The following CHD5 variants were observed in gnomAD, a reference collection of about 807,000 sequenced individuals.
The protein encoded by CHD5 is chromodomain helicase DNA binding protein 5, also known as ATP-dependent chromatin remodeler CHD5.
In CHD5, 69 loss-of-function variants were observed where a neutral mutation model predicts 230.3. The ratio of observed to expected loss-of-function variants is 0.30; its 90% CI spans 0.25 to 0.37. The LOEUF (loss-of-function observed/expected upper bound fraction) is 0.37, where lower values mean the gene tolerates loss of function less well. Ranked by LOEUF, CHD5 falls within the 10% of genes least tolerant of loss-of-function variation. The probability of loss-of-function intolerance (pLI) is 1.00; values close to 1 mark genes in which losing one functional copy is unlikely to be tolerated. For synonymous variants in CHD5, 1,064 were observed against 1,065.9 expected, an observed-to-expected ratio of 1.00 and a Z score of 0.03; for missense variants, 1,827 against 2,622.8, an observed-to-expected ratio of 0.70 and a Z score of 6.63.
chr1:6,137,176 C>T (rs971760102), intron 15 of CHD5, among the ~76,000 whole-genome samples: 40 of 152,136 alleles, frequency 2.6e-4, no homozygotes, highest in Admixed American at 9.8e-4. Context: ...GCACGATCAC[C>T]ACTCACTTGC....
intron 8 of CHD5, 38 bp from the exon 9 acceptor site, chr1:6,149,113 G>A: frequency 2.0e-6 from 3 of 1,471,368 alleles, no homozygotes; most frequent in Non-Finnish European, 2.7e-6. Context: ...CCTGGGCGGG[G>A]TCCCCGCTCC....
intron 9 of CHD5, among the ~76,000 whole-genome samples, chr1:6,147,751 T>C (rs1007067281): frequency 2.0e-5 from 3 of 152,184 alleles, no homozygotes; most frequent in East Asian, 1.9e-4. Context: ...AGATCTGTGG[T>C]GCCACATCAC....
chr1:6,104,783 A>C lies in CHD5; in HGVS notation c.*691T>G, dbSNP rs1479462951. On this transcript the variant is annotated 3_prime_UTR_variant, in exon 42 of 42. Transcript: ENST00000262450. ...ATCCACCTCCCCACAAGGAGAGAGCAAACACCTGGCGGCCTCCAGCCTTGG... is the reference window on the plus strand; with the variant it reads ...ATCCACCTCCCCACAAGGAGAGAGCCAACACCTGGCGGCCTCCAGCCTTGG... The C allele has an allele frequency of 6.5e-6, 1 of 153,196 alleles. No individual in the cohort carries two copies. Among genetic ancestry groups the C allele is most frequent in the Admixed American group, 6.5e-5 (1 of 15,412 alleles). The allele number at this position is 153,196 out of a possible 1,614,324, so 9.5% of individuals were successfully genotyped here. A position where few individuals can be genotyped will look rare whatever the true frequency, so the allele number is the denominator to read the frequency against.
chr1:6,128,112 C>G lies in CHD5; in HGVS notation c.3837G>C (p.Gln1279His). The G allele has an allele frequency of 6.2e-7, 1 of 1,614,048 alleles. No individual in the cohort carries two copies. Among genetic ancestry groups the G allele is most frequent in the Non-Finnish European group, 8.5e-7 (1 of 1,179,990 alleles). ...AGGAGCTCAGGTACTCGTTCATGTT[C>G]TGTAGCTCCGTGTCATCTGTAGCGT... Reference protein sequence around the residue: ...NQDATDDTELQNMNEYLSSFK... With the variant: ...NQDATDDTELHNMNEYLSSFK... Residue 1279 changes from glutamine (Q) to histidine (H), a missense_variant, in exon 25 of 42, where the codon CAG (glutamine) becomes CAC (histidine). Gln to His is a conservative substitution (Grantham distance 24). Transcript: ENST00000262450. This position sits in a 1 kb window ranked among gnomAD's most constrained non-coding sequence, Gnocchi z 7.8.
Position 6,126,651 on chromosome 1 carries a change from C to T in CHD5, c.3999G>A (p.Glu1333=), listed in dbSNP as rs776352094. The change falls in exon 26 of 42, where the codon GAG becomes GAA. Residue 1333 remains glutamate, a synonymous_variant. Transcript: ENST00000262450. The surrounding 1 kb of genome is among the most constrained non-coding windows in gnomAD (Gnocchi z 5.7). ...LLRHHYEQQQ[E]DLARNLGKGK... is the part of the protein sequence containing the mutation. ...CCTTGCCCAGGTTGCGGGCCAGGTCCTCCTGCTGCTGCTCATAGTGGTGCC... is the reference window on the plus strand; with the variant it reads ...CCTTGCCCAGGTTGCGGGCCAGGTCTTCCTGCTGCTGCTCATAGTGGTGCC... The T allele has an allele frequency of 8.7e-6, 14 of 1,614,030 alleles. No individual in the cohort carries two copies. The highest frequency in any genetic ancestry group is 1.2e-5 in the Non-Finnish European group (14 of 1,180,018).
intron 33 of CHD5, among the ~76,000 whole-genome samples, chr1:6,118,766 C>T (rs574984924): frequency 6.2e-4 from 94 of 151,942 alleles, no homozygotes; most frequent in African/African-American, 2.1e-3. Context: ...GGTGCCATCT[C>T]GGCTCACTGC....
intron 1 of CHD5, among the ~76,000 whole-genome samples, chr1:6,177,504 G>C (rs556271245): frequency 1.3e-5 from 2 of 152,222 alleles, no homozygotes; most frequent in Non-Finnish European, 2.9e-5. Flanking sequence ...TGATGACAAC[G>C]TTTCGAGTAT....
At position 6,146,250 on chromosome 1, in the gene CHD5, C is replaced by T; in HGVS notation, c.1764G>A (p.Lys588=). Reference sequence around the variant, plus strand: ...TTCGGTGAATCATCATCCACTCTGGCTTGATGCCATAGCGGTAGAAGCGCT... The same window carrying T: ...TTCGGTGAATCATCATCCACTCTGGTTTGATGCCATAGCGGTAGAAGCGCT... ...MEERFYRYGI[K]PEWMMIHRIL... is the part of the protein sequence containing the mutation. The change falls in exon 11 of 42, where the codon AAG becomes AAA. Residue 588 remains lysine, a synonymous_variant. Coordinates refer to ENST00000262450, the MANE Select transcript of CHD5 (RefSeq NM_015557.3). The surrounding 1 kb of genome is among the most constrained non-coding windows in gnomAD (Gnocchi z 5.1). 1 of 1,614,224 alleles carries T rather than the reference C, an allele frequency of 6.2e-7. No individual in the cohort carries two copies. Among genetic ancestry groups the T allele is most frequent in the Non-Finnish European group, 8.5e-7 (1 of 1,180,038 alleles).
At position 6,144,205 on chromosome 1, in the gene CHD5, C is replaced by T. The variant is rs763824474; in HGVS notation, c.1803-50G>A. ...GTCGCTCAGAGCAGTGGCCACAGCA[C>T]AGGTTTGATGAAGGGCACCTCCCAG... is the stretch of plus-strand genomic sequence containing the variant. On this transcript the variant is annotated intron_variant, in intron 11 of 41. Transcript: ENST00000262450. The T allele has an allele frequency of 2.8e-5, 45 of 1,608,842 alleles. No individual in the cohort carries two copies. The Admixed American group carries it at 6.3e-4, about 23-fold the overall frequency.
At chr1:6,168,058 G>T in intron 2 of CHD5, 92 bp downstream of exon 2, 1 of 1,421,436 alleles carries the variant, frequency 7.0e-7, no homozygotes, top group Non-Finnish European at 9.4e-7. Flanking sequence ...CAAACTCCAA[G>T]GTCCAGGGAC....
Position 6,142,363 on chromosome 1 carries a change from C to A in CHD5, c.2236-35G>T, listed in dbSNP as rs41307755. Reference sequence around the variant, plus strand: ...GAGGCCGATGCCGTGAGACCACCTGCCCTTGGCCAGGACCAGCCACCCCTC... The same window carrying A: ...GAGGCCGATGCCGTGAGACCACCTGACCTTGGCCAGGACCAGCCACCCCTC... On this transcript the variant is annotated intron_variant, in intron 14 of 41. Transcript: ENST00000262450. This position sits in a 1 kb window ranked among gnomAD's most constrained non-coding sequence, Gnocchi z 5.2. 102,658 of 1,596,492 alleles carry A rather than the reference C, an allele frequency of 0.064. 3,598 individuals carry two copies. The highest frequency in any genetic ancestry group is 0.073 in the African/African-American group (5,441 of 74,686).
At position 6,116,140 on chromosome 1, in the gene CHD5, C is replaced by T. The variant is rs1309774696; in HGVS notation, c.4913-3142G>A. ...TTTATTGTGGATTGCCTGTGTTCCC[C>T]AGTGGAATACAAACTCCACGGAATG... On this transcript the variant is annotated intron_variant, in intron 33 of 41. Coordinates refer to ENST00000262450, the MANE Select transcript of CHD5 (RefSeq NM_015557.3). Among the ~76,000 whole-genome samples, 3 of 152,320 alleles carry T rather than the reference C, an allele frequency of 2.0e-5. No homozygotes were observed. In the East Asian group the frequency reaches 5.8e-4, roughly 29 times the overall value.
Position 6,124,697 on chromosome 1 carries a change from G to T in CHD5, c.4395-36C>A, listed in dbSNP as rs909159353. On this transcript the variant is annotated intron_variant, in intron 29 of 41. Transcript: ENST00000262450. ...GGGGGGGGACTGGGGCTCAGGGAGTGGGGGGCCGGCAAGAACCCTCTGAGA... is the reference window on the plus strand; with the variant it reads ...GGGGGGGGACTGGGGCTCAGGGAGTTGGGGGCCGGCAAGAACCCTCTGAGA... 4.0e-6 allele frequency: 5 copies of T among 1,264,136 alleles called. 1 individual carries two copies. In the East Asian group the frequency reaches 7.6e-5, roughly 19 times the overall value. The allele number at this position is 1,264,136 out of a possible 1,614,324, so 78.3% of individuals were successfully genotyped here.
chr1:6,107,616 TATA>T (rs1666209218), intron 38 of CHD5, among the ~76,000 whole-genome samples: 1 of 130,908 alleles, frequency 7.6e-6, no homozygotes, highest in Non-Finnish European at 1.6e-5. Context: ...GATAAAGGGA[TATA>T]GGGATGAAGC....
At position 6,142,223 on chromosome 1, in the gene CHD5, T is replaced by C; in HGVS notation, c.2341A>G (p.Thr781Ala). The change falls in exon 15 of 42, where the codon ACG (threonine) becomes GCG (alanine). Residue 781 changes from threonine (T) to alanine (A), a missense_variant. Around this residue, in one of 14 missense-constraint regions of CHD5, gnomAD observed 80 missense variants for 96.4 expected, o/e 0.83. Transcript: ENST00000262450. This position sits in a 1 kb window ranked among gnomAD's most constrained non-coding sequence, Gnocchi z 5.2. ...WAPDFYVVTY[T>A]GDKESRSVIR... ...ACCGAGCGGCTCTCCTTGTCCCCCGTGTAGGTGACCACGTAGAAGTCGGGC... is the reference window on the plus strand; with the variant it reads ...ACCGAGCGGCTCTCCTTGTCCCCCGCGTAGGTGACCACGTAGAAGTCGGGC... 6.2e-7 allele frequency: 1 copy of C among 1,614,192 alleles called. No homozygotes were observed. Among genetic ancestry groups the C allele is most frequent in the African/African-American group, 1.3e-5 (1 of 75,052 alleles).
At chr1:6,110,746 C>A (rs987969947) in intron 36 of CHD5, among the ~76,000 whole-genome samples, 5 of 152,212 alleles carry the variant, frequency 3.3e-5, no homozygotes, top group Admixed American at 6.5e-5. Flanking sequence ...CCAGACACAG[C>A]CCCGGGGCTT....
intron 20 of CHD5, among the ~76,000 whole-genome samples, chr1:6,133,821 A>G (rs547215903): frequency 2.6e-5 from 4 of 152,276 alleles, no homozygotes; most frequent in South Asian, 4.1e-4. Flanking sequence ...GCCCTACCTT[A>G]ATGAGAAGCC....
intron 2 of CHD5, among the ~76,000 whole-genome samples, chr1:6,163,936 G>A (rs1667214944): frequency 6.6e-6 from 1 of 152,214 alleles, no homozygotes; most frequent in Admixed American, 6.5e-5. Context: ...GAATCTTAGT[G>A]GATGTGGAGT....
Position 6,125,247 on chromosome 1 carries a change from G to A in CHD5, c.4261-14C>T, listed in dbSNP as rs773384317. 1 of 1,597,754 alleles carries A rather than the reference G, an allele frequency of 6.3e-7. No homozygotes were observed. Among genetic ancestry groups the A allele is most frequent in the Non-Finnish European group, 8.5e-7 (1 of 1,177,594 alleles). On this transcript the variant is annotated splice_polypyrimidine_tract_variant and intron_variant, in intron 28 of 41. Coordinates refer to ENST00000262450, the MANE Select transcript of CHD5 (RefSeq NM_015557.3). This position sits in a 1 kb window ranked among gnomAD's most constrained non-coding sequence, Gnocchi z 6.7. ...GAAGCCCAGCACCTGGGCGAGTGGA[G>A]CGTGGGAGTATGAGCCCAGGACAGA... is the stretch of plus-strand genomic sequence containing the variant.
Sources: allele counts gnomAD v4.1 joint callset (sites outside exome capture counted in the v4.1 genomes callset), GRCh38; gene constraint gnomAD v4.1.1; regional missense constraint gnomAD v4.1.1; non-coding constraint Gnocchi (gnomAD v3.1); transcripts MANE v1.5; gene names NCBI Gene and HGNC (gene_info 2026-07-23, HGNC 2026-07-21).